Variants in DSTN observed in about 807,000 individuals in gnomAD.
The protein encoded by DSTN is destrin.
A neutral mutation model predicts 16.8 loss-of-function variants in DSTN; 10 were observed. The ratio of observed to expected loss-of-function variants is 0.60; its 90% CI spans 0.37 to 1.01. The LOEUF (loss-of-function observed/expected upper bound fraction) is 1.01, where lower values mean the gene tolerates loss of function less well. Ranked by LOEUF, DSTN falls within the 50% of genes least tolerant of loss-of-function variation. DSTN has a pLI of 0.01. For missense variants in DSTN, 141 were observed against 196.7 expected (o/e 0.72, Z 1.69); for synonymous variants, 57 against 58.9 (o/e 0.97, Z 0.14).
chr20:17,590,500 A>G (rs1355534587), intron 1 of DSTN, among the ~76,000 whole-genome samples: 3 of 152,210 alleles, frequency 2.0e-5, no homozygotes, highest in East Asian at 1.9e-4. Flanking sequence ...TCTAAGAGCA[A>G]CTGTTCTCCA....
chr20:17,603,644 T>C (rs190940640), intron 2 of DSTN, among the ~76,000 whole-genome samples: 1 of 152,342 alleles, frequency 6.6e-6, no homozygotes, highest in Admixed American at 6.5e-5. Flanking sequence ...TTCTTCAGTG[T>C]TGCTGCTGAA....
intron 1 of DSTN, among the ~76,000 whole-genome samples, chr20:17,583,026 TG>T (rs1457187686): frequency 6.6e-6 from 1 of 152,182 alleles, no homozygotes; most frequent in African/African-American, 2.4e-5. Flanking sequence ...AAAACCCACT[TG>T]TTTGGGCAAA....
At chr20:17,579,334 G>A (rs1218193816) in intron 1 of DSTN, among the ~76,000 whole-genome samples, 1 of 152,196 alleles carries the variant, frequency 6.6e-6, no homozygotes, top group Admixed American at 6.5e-5. Flanking sequence ...TAGCACATTG[G>A]GAGGCCAAAG....
chr20:17,570,113 C>A lies in DSTN; in HGVS notation c.-96C>A. ...CTCGCGCCGCCGCGTCAGCTCAGCGCTGGGTCTCTCGGTCCCGCAGCCGTG... is the reference window on the plus strand; with the variant it reads ...CTCGCGCCGCCGCGTCAGCTCAGCGATGGGTCTCTCGGTCCCGCAGCCGTG... On this transcript the variant is annotated 5_prime_UTR_variant, in exon 1 of 4. In the 5' UTR this introduces an upstream ATG that the reference lacks. Coordinates refer to ENST00000246069, the MANE Select transcript of DSTN (RefSeq NM_006870.4). 2.7e-6 allele frequency: 4 copies of A among 1,500,062 alleles called. No homozygotes were observed. Among genetic ancestry groups the A allele is most frequent in the Non-Finnish European group, 3.5e-6 (4 of 1,128,554 alleles). 92.9% of individuals were successfully genotyped at this position (1,500,062 alleles called of 1,614,324 possible).
At position 17,570,189 on chromosome 20, in the gene DSTN, C is replaced by T; in HGVS notation, c.-20C>T. 1 of 1,519,762 alleles carries T rather than the reference C, an allele frequency of 6.6e-7. No homozygotes were observed. The highest frequency in any genetic ancestry group is 1.2e-5 in the South Asian group (1 of 82,868). 94.1% of individuals were successfully genotyped at this position (1,519,762 alleles called of 1,614,324 possible). A position where few individuals can be genotyped will look rare whatever the true frequency, so the allele number is the denominator to read the frequency against. The stretch of plus-strand genomic sequence containing the variant: ...CCCGCCGGCTCCCTCCCCCGCGTCC[C>T]TGCGACCGCCGCGGCGAAGATGGTG... On this transcript the variant is annotated 5_prime_UTR_variant, in exon 1 of 4. Transcript: ENST00000246069.
chr20:17,570,118 T>G lies in DSTN; in HGVS notation c.-91T>G, dbSNP rs1241268688. 1 of 1,498,694 alleles carries G rather than the reference T, an allele frequency of 6.7e-7. No homozygotes were observed. Among genetic ancestry groups the G allele is most frequent in the Non-Finnish European group, 8.9e-7 (1 of 1,128,240 alleles). 92.8% of individuals were successfully genotyped at this position (1,498,694 alleles called of 1,614,324 possible). A position where few individuals can be genotyped will look rare whatever the true frequency, so the allele number is the denominator to read the frequency against. Reference sequence around the variant, plus strand: ...GCCGCCGCGTCAGCTCAGCGCTGGGTCTCTCGGTCCCGCAGCCGTGAGGAG... The same window carrying G: ...GCCGCCGCGTCAGCTCAGCGCTGGGGCTCTCGGTCCCGCAGCCGTGAGGAG... On this transcript the variant is annotated 5_prime_UTR_variant, in exon 1 of 4. Transcript: ENST00000246069.
intron 1 of DSTN, among the ~76,000 whole-genome samples, chr20:17,570,574 CGGGGAGT>C (rs1474203691): frequency 6.6e-6 from 1 of 151,632 alleles, no homozygotes; most frequent in Admixed American, 6.6e-5. Context: ...ACACCGAGGC[CGGGGAGT>C]GGGGGGCGGG....
intron 1 of DSTN, among the ~76,000 whole-genome samples, chr20:17,571,555 T>C (rs2035207537): frequency 6.6e-6 from 1 of 152,200 alleles, no homozygotes; most frequent in Admixed American, 6.5e-5. Context: ...TTATTAGAAA[T>C]TTAATAACAT....
At chr20:17,584,266 T>C (rs2035382366) in intron 1 of DSTN, among the ~76,000 whole-genome samples, 1 of 152,238 alleles carries the variant, frequency 6.6e-6, no homozygotes, top group African/African-American at 2.4e-5. Flanking sequence ...TACTCTGTCA[T>C]CTTGTGCATA....
intron 3 of DSTN, among the ~76,000 whole-genome samples, chr20:17,606,187 G>A (rs189364977): frequency 3.9e-4 from 59 of 152,184 alleles, no homozygotes; most frequent in Admixed American, 2.6e-3. Flanking sequence ...TCAGTCCTGA[G>A]TAGTTCAAAA....
At chr20:17,601,976 T>C (rs1378531990) in intron 2 of DSTN, among the ~76,000 whole-genome samples, 1 of 151,490 alleles carries the variant, frequency 6.6e-6, no homozygotes, top group Non-Finnish European at 1.5e-5. Context: ...ATTCTCTTGA[T>C]ACTTTGGCCT....
intron 1 of DSTN, among the ~76,000 whole-genome samples, chr20:17,594,133 T>C (rs908833416): frequency 4.7e-5 from 7 of 150,422 alleles, no homozygotes; most frequent in African/African-American, 1.7e-4. Flanking sequence ...ATTTTTTACC[T>C]TCAGATCAAT....
intron 1 of DSTN, among the ~76,000 whole-genome samples, chr20:17,591,208 T>A (rs1464314172): frequency 6.6e-6 from 1 of 152,216 alleles, no homozygotes; most frequent in Non-Finnish European, 1.5e-5. Flanking sequence ...AACAGATAAT[T>A]CTGTATATTG....
In DSTN at chr20:17,588,089, C is replaced by T. The variant is rs551596522; in HGVS notation, c.4-12649C>T. On this transcript the variant is annotated intron_variant, in intron 1 of 3. Transcript: ENST00000246069. ...ATACCCTCCTTCTTTCCCCTCCAGGCACGTTTCCCCTTTAAATATTGAAGA... is the reference window on the plus strand; with the variant it reads ...ATACCCTCCTTCTTTCCCCTCCAGGTACGTTTCCCCTTTAAATATTGAAGA... Among the ~76,000 whole-genome samples the T allele has an allele frequency of 2.0e-5, 3 of 152,312 alleles. No individual in the cohort carries two copies. In the South Asian group the frequency reaches 6.2e-4, roughly 32 times the overall value.
intron 1 of DSTN, among the ~76,000 whole-genome samples, chr20:17,586,209 C>A (rs16999438): frequency 0.1 from 15,366 of 152,176 alleles, 1,503 homozygotes; most frequent in African/African-American, 0.26. Context: ...ACTAATAGAA[C>A]TTACTATTGC....
intron 1 of DSTN, among the ~76,000 whole-genome samples, chr20:17,594,122 T>C (rs541654096): frequency 6.6e-6 from 1 of 152,046 alleles, no homozygotes; most frequent in South Asian, 2.1e-4. Context: ...AATAAATAGC[T>C]ATTTTTTACC....
intron 1 of DSTN, chr20:17,592,042 C>T: frequency 1.0e-6 from 1 of 985,418 alleles, no homozygotes; most frequent in Non-Finnish European, 1.2e-6. Flanking sequence ...GAGCCCTGGG[C>T]AGTGTTGGGC....
At chr20:17,580,031 G>T (rs141446350) in intron 1 of DSTN, among the ~76,000 whole-genome samples, 120 of 152,350 alleles carry the variant, frequency 7.9e-4, no homozygotes, top group African/African-American at 2.8e-3. Flanking sequence ...ACACCAGTGT[G>T]TGCCTCAGTA....
chr20:17,588,935 G>C (rs2035441337), intron 1 of DSTN, among the ~76,000 whole-genome samples: 1 of 152,116 alleles, frequency 6.6e-6, no homozygotes, highest in African/African-American at 2.4e-5. Context: ...ATGGTCACCT[G>C]TATCCTCTGA....
Sources: allele counts gnomAD v4.1 joint callset (sites outside exome capture counted in the v4.1 genomes callset), GRCh38; gene constraint gnomAD v4.1.1; transcripts MANE v1.5; gene names NCBI Gene and HGNC (gene_info 2026-07-23, HGNC 2026-07-21).